Variants in PCBP3 observed in about 807,000 individuals in gnomAD.
The protein encoded by PCBP3 is poly(rC) binding protein 3, also known as poly(rC)-binding protein 3.
Under a neutral mutation model 52.7 loss-of-function variants are expected in PCBP3, and 25 were observed. The ratio of observed to expected loss-of-function variants is 0.47; its 90% confidence interval spans 0.35 to 0.66. The LOEUF (loss-of-function observed/expected upper bound fraction) is 0.66. PCBP3 is among the 30% of genes least tolerant of loss of function. The pLI, the probability that PCBP3 is intolerant of heterozygous loss-of-function variation, is 0.01. For missense variants in PCBP3, 391 were observed against 490.3 expected, an observed-to-expected ratio of 0.80 and a Z score of 1.91; for synonymous variants, 162 against 183.0, an observed-to-expected ratio of 0.89 and a Z score of 0.93.
At chr21:45,702,153 GT>G (rs1225526442) in intron 2 of PCBP3, among the ~76,000 whole-genome samples, 1 of 152,170 alleles carries the variant, frequency 6.6e-6, no homozygotes, top group Non-Finnish European at 1.5e-5. Context: ...TTTCTTAAAG[GT>G]TAGTTGCAAC....
At chr21:45,647,817 C>T (rs916029820) in intron 1 of PCBP3, among the ~76,000 whole-genome samples, 3 of 152,030 alleles carry the variant, frequency 2.0e-5, no homozygotes, top group Admixed American at 1.3e-4. Flanking sequence ...AATCTCAGGA[C>T]TATGTTATGT....
At chr21:45,787,816 TAC>T (rs992226017) in intron 4 of PCBP3, among the ~76,000 whole-genome samples, 1 of 152,254 alleles carries the variant, frequency 6.6e-6, no homozygotes, top group African/African-American at 2.4e-5. Context: ...ACAAATGTGT[TAC>T]CAGATTTTTA....
At chr21:45,841,573 T>C (rs1383176579) in intron 4 of PCBP3, among the ~76,000 whole-genome samples, 1 of 152,242 alleles carries the variant, frequency 6.6e-6, no homozygotes, top group African/African-American at 2.4e-5. Context: ...TATTACGCTA[T>C]GAGTTTCGTT....
chr21:45,814,507 GTGAGTGA>G (rs1199418996), intron 4 of PCBP3, among the ~76,000 whole-genome samples: 15 of 28,258 alleles, frequency 5.3e-4, no homozygotes, highest in Non-Finnish European at 9.0e-4. Context: ...GTGGTGAGTG[GTGAGTGA>G]TGAGTGGTGA....
At chr21:45,696,936 G>T (rs971463207) in intron 2 of PCBP3, among the ~76,000 whole-genome samples, 4 of 152,188 alleles carry the variant, frequency 2.6e-5, no homozygotes, top group Admixed American at 2.0e-4. Context: ...AAACCACAGT[G>T]AGGTACCACA....
chr21:45,851,281 G>A (rs1390282107), intron 5 of PCBP3, among the ~76,000 whole-genome samples: 3 of 152,214 alleles, frequency 2.0e-5, no homozygotes, highest in African/African-American at 7.2e-5. Context: ...TTGGGAGGCC[G>A]AGGTGGGTAG....
At position 45,643,822 on chromosome 21, in the gene PCBP3, C is replaced by T. The variant is rs1352472337; in HGVS notation, c.-325C>T. 1.3e-5 allele frequency: 2 copies of T among 148,418 alleles called. No homozygotes were observed. Among genetic ancestry groups the T allele is most frequent in the South Asian group, 2.1e-4 (1 of 4,834 alleles). 9.2% of individuals were successfully genotyped at this position (148,418 alleles called of 1,614,324 possible). A position where few individuals can be genotyped will look rare whatever the true frequency, so the allele number is the denominator to read the frequency against. ...TCGCCCCGACCCCGCCCGGGCCTCCCGGCCTCTCCCCGCCGGCCCGCGGGC... is the reference window on the plus strand; with the variant it reads ...TCGCCCCGACCCCGCCCGGGCCTCCTGGCCTCTCCCCGCCGGCCCGCGGGC... On this transcript the variant is annotated 5_prime_UTR_variant, in exon 1 of 18. Coordinates refer to ENST00000681687, the MANE Select transcript of PCBP3 (RefSeq NM_001384156.1).
chr21:45,784,751 C>G (rs1270273890), intron 4 of PCBP3, among the ~76,000 whole-genome samples: 1 of 152,260 alleles, frequency 6.6e-6, no homozygotes, highest in African/African-American at 2.4e-5. Context: ...ACGGAGTCTC[C>G]TTCACTCAGT....
chr21:45,900,294 C>T (rs1365230883), intron 7 of PCBP3, among the ~76,000 whole-genome samples: 2 of 152,220 alleles, frequency 1.3e-5, no homozygotes, highest in African/African-American at 4.8e-5. Context: ...TGCCATGTGC[C>T]ATGAGTGAGC....
At chr21:45,662,271 G>GTTTTTTTTTT (rs59220095) in intron 1 of PCBP3, among the ~76,000 whole-genome samples, 2 of 97,270 alleles carry the variant, frequency 2.1e-5, no homozygotes, top group African/African-American at 9.4e-5. Context: ...ATATACCTAA[G>GTTTTTTTTTT]TTTTTTTTTT....
rs1245539640 is a variant in PCBP3 at position 45,878,375 on chromosome 21, CTG to C, written c.11-17830_11-17829del. Among the ~76,000 whole-genome samples, 5 of 152,264 alleles carry C rather than the reference CTG, an allele frequency of 3.3e-5. 1 individual carries two copies. The South Asian group carries it at 1.0e-3, about 31-fold the overall frequency. On this transcript the variant is annotated intron_variant, in intron 5 of 17. Coordinates refer to ENST00000681687, the MANE Select transcript of PCBP3 (RefSeq NM_001384156.1). ...ATGCAAGTGCAGTAAGTTTCTGGCA[CTG>C]TGGCAAAAGCCAGGCCCTGGTCAGA...
At chr21:45,682,358 A>G (rs1041911582) in intron 2 of PCBP3, among the ~76,000 whole-genome samples, 6 of 152,136 alleles carry the variant, frequency 3.9e-5, no homozygotes, top group African/African-American at 1.2e-4. Flanking sequence ...AGTGTTTTCA[A>G]TTATGCTTAG....
At chr21:45,789,260 A>G (rs1421240122) in intron 4 of PCBP3, among the ~76,000 whole-genome samples, 1 of 152,102 alleles carries the variant, frequency 6.6e-6, no homozygotes, top group East Asian at 1.9e-4. Context: ...TGTGTGTGTG[A>G]TTGCATGTAT....
chr21:45,844,638 G>A (rs2093767874), intron 4 of PCBP3, among the ~76,000 whole-genome samples: 1 of 151,970 alleles, frequency 6.6e-6, no homozygotes, highest in Non-Finnish European at 1.5e-5. Context: ...GCACCACAAG[G>A]GCAGCGTGGC....
rs1011957319 is a variant in PCBP3 at position 45,917,356 on chromosome 21, C to T, written c.676-232C>T. 3 of 402,724 alleles carry T rather than the reference C, an allele frequency of 7.4e-6. No individual in the cohort carries two copies. In the Admixed American group the frequency reaches 1.1e-4, roughly 15 times the overall value. 24.9% of individuals were successfully genotyped at this position (402,724 alleles called of 1,614,324 possible). On this transcript the variant is annotated intron_variant, in intron 12 of 17. Transcript: ENST00000681687. This position sits in a 1 kb window ranked among gnomAD's most constrained non-coding sequence, Gnocchi z 5.3. Reference sequence around the variant, plus strand: ...CAAGGCTGAACTGTTTCCCTCCCACCCGCTGAACTGGCCAGCTCAGCTCTG... The same window carrying T: ...CAAGGCTGAACTGTTTCCCTCCCACTCGCTGAACTGGCCAGCTCAGCTCTG...
At chr21:45,734,746 G>A (rs185622896) in intron 2 of PCBP3, among the ~76,000 whole-genome samples, 1 of 152,286 alleles carries the variant, frequency 6.6e-6, no homozygotes, top group Admixed American at 6.5e-5. Context: ...CTCCATGTCT[G>A]AACACCCTCG....
chr21:45,766,872 A>G (rs902640694), intron 4 of PCBP3, among the ~76,000 whole-genome samples: 2 of 152,172 alleles, frequency 1.3e-5, no homozygotes, highest in African/African-American at 4.8e-5. Flanking sequence ...TTAAAAAAAG[A>G]AAAAACCAAA....
rs2149338220 is a variant in PCBP3 at position 45,917,366 on chromosome 21, G to T, written c.676-222G>T. 6.6e-5 allele frequency: 26 copies of T among 396,322 alleles called. No individual in the cohort carries two copies. Among genetic ancestry groups the T allele is most frequent in the East Asian group, 2.4e-4 (5 of 20,526 alleles). The allele number at this position is 396,322 out of a possible 1,614,324, so 24.6% of individuals were successfully genotyped here. On this transcript the variant is annotated intron_variant, in intron 12 of 17. Coordinates refer to ENST00000681687, the MANE Select transcript of PCBP3 (RefSeq NM_001384156.1). This position sits in a 1 kb window ranked among gnomAD's most constrained non-coding sequence, Gnocchi z 5.3. The stretch of plus-strand genomic sequence containing the variant: ...CTGTTTCCCTCCCACCCGCTGAACT[G>T]GCCAGCTCAGCTCTGCCCGCCCAGA...
At chr21:45,763,407 C>G (rs1359234829) in intron 4 of PCBP3, 1 of 152,616 alleles carries the variant, frequency 6.6e-6, no homozygotes, top group African/African-American at 2.4e-5. Context: ...GCTCAGGGTG[C>G]AGTGGAGAAG....
Sources: allele counts gnomAD v4.1 joint callset (sites outside exome capture counted in the v4.1 genomes callset), GRCh38; gene constraint gnomAD v4.1.1; non-coding constraint Gnocchi (gnomAD v3.1); transcripts MANE v1.5; gene names NCBI Gene and HGNC (gene_info 2026-07-23, HGNC 2026-07-21).